The following MAP1LC3C variants were observed in gnomAD, a reference collection of about 807,000 sequenced individuals.
The protein encoded by MAP1LC3C is microtubule associated protein 1 light chain 3 gamma.
A neutral mutation model predicts 10.4 loss-of-function variants in MAP1LC3C; 12 were observed. The observed-to-expected ratio is 1.15, with a 90% CI of 0.74 to 1.86. The LOEUF (loss-of-function observed/expected upper bound fraction) is 1.86, where lower values mean the gene tolerates loss of function less well. MAP1LC3C is among the 40% of genes most tolerant of loss of function. MAP1LC3C has a pLI of 0.00. For synonymous variants in MAP1LC3C, 70 were observed against 69.0 expected (o/e 1.01, Z -0.07); for missense variants, 177 against 185.7 (o/e 0.95, Z 0.27).
At chr1:241,999,128 G>A, upstream of MAP1LC3C, 1 of 1,460,716 alleles carries the variant, frequency 6.8e-7, no homozygotes, top group Non-Finnish European at 9.0e-7. Context: ...AGGCCCTTAT[G>A]TAGGGCTGAG....
chr1:242,000,043 ATGTGTG>A (rs35676574), upstream of MAP1LC3C, among the ~76,000 whole-genome samples: 1 of 150,736 alleles, frequency 6.6e-6, no homozygotes, highest in Non-Finnish European at 1.5e-5. Context: ...TTGACACTAG[ATGTGTG>A]TGTGTGTGTG....
At chr1:241,998,454 G>A (rs1558179341) in intron 3 of MAP1LC3C, 60 bp downstream of exon 3, 3 of 1,444,410 alleles carry the variant, frequency 2.1e-6, no homozygotes, top group Non-Finnish European at 9.7e-7. Flanking sequence ...AACGAAGAAA[G>A]CCCAACAGCC....
chr1:241,997,903 G>A (rs972543631), intron 3 of MAP1LC3C, among the ~76,000 whole-genome samples: 21 of 152,080 alleles, frequency 1.4e-4, no homozygotes, highest in Non-Finnish European at 4.4e-5. Flanking sequence ...AGGATCTCCC[G>A]GCCTAGCTTG....
intron 1 of MAP1LC3C, 45 bp from the exon 2 acceptor site, chr1:241,998,876 A>C (rs749305539): frequency 6.2e-7 from 1 of 1,614,080 alleles, no homozygotes; most frequent in South Asian, 1.1e-5. Context: ...GATCAAGAAA[A>C]GAAGCAAAGA....
At chr1:242,000,254 T>G (rs946979534), upstream of MAP1LC3C, among the ~76,000 whole-genome samples, 10 of 152,180 alleles carry the variant, frequency 6.6e-5, no homozygotes, top group African/African-American at 2.2e-4. Context: ...TTTTTTTGCT[T>G]GTTTGAAACA....
upstream of MAP1LC3C, among the ~76,000 whole-genome samples, chr1:241,999,915 G>A (rs1016418563): frequency 6.6e-6 from 1 of 152,160 alleles, no homozygotes; most frequent in Non-Finnish European, 1.5e-5. Flanking sequence ...GATAAAAGAA[G>A]GAAGGAAGGA....
At chr1:241,997,717 C>T (rs1223149474) in intron 3 of MAP1LC3C, among the ~76,000 whole-genome samples, 4 of 152,024 alleles carry the variant, frequency 2.6e-5, no homozygotes, top group African/African-American at 9.7e-5. Flanking sequence ...TTTGCTGTAC[C>T]TCTGGCTTAA....
chr1:241,998,043 T>TTTTTTTTTTTG (rs1665122762), intron 3 of MAP1LC3C, among the ~76,000 whole-genome samples: 1 of 84,462 alleles, frequency 1.2e-5, no homozygotes, highest in Non-Finnish European at 2.5e-5. Flanking sequence ...TTTTTTTTTT[T>TTTTTTTTTTTG]GAGACAGAGT....
At chr1:242,000,392 C>A (rs1488955751), upstream of MAP1LC3C, among the ~76,000 whole-genome samples, 1 of 152,134 alleles carries the variant, frequency 6.6e-6, no homozygotes, top group Non-Finnish European at 1.5e-5. Context: ...CCATGCCTGG[C>A]TAATTTGTGT....
At chr1:241,999,604 CG>C (rs1665156019), upstream of MAP1LC3C, among the ~76,000 whole-genome samples, 1 of 152,092 alleles carries the variant, frequency 6.6e-6, no homozygotes, top group South Asian at 2.1e-4. Context: ...GAGGCCGAGG[CG>C]GGTGGATCAC....
At chr1:241,998,739 C>T in intron 2 of MAP1LC3C, 37 bp downstream of exon 2, 1 of 1,613,820 alleles carries the variant, frequency 6.2e-7, no homozygotes. Context: ...GGAACCCCAC[C>T]CCCACGCCCC....
chr1:242,000,518 C>T (rs1051204953), upstream of MAP1LC3C, among the ~76,000 whole-genome samples: 8 of 152,170 alleles, frequency 5.3e-5, no homozygotes, highest in Non-Finnish European at 1.0e-4. Context: ...TGAGCCACTG[C>T]GCCCAGCCCC....
rs756425817 is a variant in MAP1LC3C, at chr1:241,999,053, T to C, written c.-45A>G. 34 of 1,563,494 alleles carry C rather than the reference T, an allele frequency of 2.2e-5. 2 individuals are homozygous for C. In the South Asian group the frequency reaches 4.1e-4, roughly 19 times the overall value. ...TGTTTTAAAAAAGAAAAAAAAACTG[T>C]CCCGCAACCGGGAACCTAACTCATT... is the stretch of plus-strand genomic sequence containing the variant. On this transcript the variant is annotated 5_prime_UTR_variant, in exon 1 of 4. Coordinates refer to ENST00000357246, the MANE Select transcript of MAP1LC3C (RefSeq NM_001004343.3).
In MAP1LC3C at chr1:241,998,638, C is replaced by A; in HGVS notation, c.115-18G>T. ...ACTACCACCTGTCAAGAGTGTCAGT[C>A]CTTAAGAATGTGACTCAGCGTGAGT... On this transcript the variant is annotated intron_variant, in intron 2 of 3. Coordinates refer to ENST00000357246, the MANE Select transcript of MAP1LC3C (RefSeq NM_001004343.3). 6.2e-7 allele frequency: 1 copy of A among 1,608,012 alleles called. No individual in the cohort carries two copies. The highest frequency in any genetic ancestry group is 1.1e-5 in the South Asian group (1 of 90,070).
At chr1:241,996,820 C>T (rs1295090581) in intron 3 of MAP1LC3C, among the ~76,000 whole-genome samples, 1 of 141,054 alleles carries the variant, frequency 7.1e-6, no homozygotes, top group Admixed American at 7.7e-5. Flanking sequence ...ACTCGGGAGG[C>T]TGAGGCAGGA....
intron 3 of MAP1LC3C, 86 bp from the exon 4 acceptor site, chr1:241,996,471 T>C: frequency 9.1e-7 from 1 of 1,097,398 alleles, no homozygotes; most frequent in African/African-American, 1.6e-5. Flanking sequence ...AAGACTGAAT[T>C]GCTCCCTTCT....
In MAP1LC3C at chr1:241,996,096, G is replaced by T; in HGVS notation, c.*67C>A. ...TCAGACTCCTCCACTGTATACACAG[G>T]AGAAAACCAATCCCTTCTGCCAGCA... On this transcript the variant is annotated 3_prime_UTR_variant, in exon 4 of 4. Coordinates refer to ENST00000357246, the MANE Select transcript of MAP1LC3C (RefSeq NM_001004343.3). The T allele has an allele frequency of 6.9e-7, 1 of 1,452,842 alleles. No homozygotes were observed. The allele number at this position is 1,452,842 out of a possible 1,614,324, so 90.0% of individuals were successfully genotyped here. A position where few individuals can be genotyped will look rare whatever the true frequency, so the allele number is the denominator to read the frequency against.
chr1:241,999,181 C>G, upstream of MAP1LC3C: 1 of 1,315,760 alleles, frequency 7.6e-7, no homozygotes, highest in Non-Finnish European at 9.9e-7. Flanking sequence ...CCCACTCCCC[C>G]TCCCTGGGCA....
chr1:241,996,842 C>T (rs913539674), intron 3 of MAP1LC3C, among the ~76,000 whole-genome samples: 2 of 121,440 alleles, frequency 1.6e-5, no homozygotes, highest in Admixed American at 1.1e-4. Context: ...AACCAGGAGG[C>T]GGAGGTTGCA....
Sources: allele counts gnomAD v4.1 joint callset (sites outside exome capture counted in the v4.1 genomes callset), GRCh38; gene constraint gnomAD v4.1.1; transcripts MANE v1.5; gene names NCBI Gene and HGNC (gene_info 2026-07-23, HGNC 2026-07-21).